Variants in RXRA observed in about 807,000 individuals in gnomAD.
The protein encoded by RXRA is retinoid X receptor alpha.
A neutral mutation model predicts 44.5 loss-of-function variants in RXRA; 5 were observed. The ratio of observed to expected loss-of-function variants is 0.11; its 90% CI spans 0.06 to 0.24. RXRA has a LOEUF of 0.24. Among genes scored for constraint, RXRA ranks in the 10% least tolerant of loss-of-function variants. The pLI, the probability that RXRA is intolerant of heterozygous loss-of-function variation, is 1.00. For missense variants in RXRA, 412 were observed against 646.5 expected (o/e 0.64, Z 3.93); for synonymous variants, 291 against 271.4 (o/e 1.07, Z -0.71).
At chr9:134,380,667 A>G (rs927475884) in intron 1 of RXRA, among the ~76,000 whole-genome samples, 47 of 151,962 alleles carry the variant, frequency 3.1e-4, no homozygotes, top group African/African-American at 9.2e-4. Flanking sequence ...TTGCTGCCCC[A>G]CGACACCTGG....
intron 1 of RXRA, among the ~76,000 whole-genome samples, chr9:134,389,315 A>G (rs571164679): frequency 6.6e-6 from 1 of 152,072 alleles, no homozygotes; most frequent in African/African-American, 2.4e-5. Context: ...TGCTCGTGGG[A>G]TCCAGAGAAG....
rs1325621752 is a variant in RXRA at position 134,407,047 on chromosome 9, T to G, written c.280-1102T>G. On this transcript the variant is annotated intron_variant, in intron 2 of 9. Transcript: ENST00000481739. The surrounding 1 kb of genome is among the most constrained non-coding windows in gnomAD (Gnocchi z 4.8). ...ACCTCCTGGCCTCTCGCAGCCCACC[T>G]GAGTCCTGCAGGGACCAAGCATCCT... Among the ~76,000 whole-genome samples, 1 of 152,182 alleles carries G rather than the reference T, an allele frequency of 6.6e-6. No homozygotes were observed. Among genetic ancestry groups the G allele is most frequent in the East Asian group, 1.9e-4 (1 of 5,184 alleles).
At chr9:134,380,076 C>G in intron 1 of RXRA, 3 of 985,486 alleles carry the variant, frequency 3.0e-6, no homozygotes, top group Non-Finnish European at 3.6e-6. Flanking sequence ...TCCCCTGCAG[C>G]CCCTCTGTTG....
chr9:134,343,058 G>A lies in RXRA; in HGVS notation c.28+16399G>A, dbSNP rs532428104. Among the ~76,000 whole-genome samples, 3 of 152,212 alleles carry A rather than the reference G, an allele frequency of 2.0e-5. No individual in the cohort carries two copies. Among genetic ancestry groups the A allele is most frequent in the African/African-American group, 4.8e-5 (2 of 41,456 alleles). On this transcript the variant is annotated intron_variant, in intron 1 of 9. Transcript: ENST00000481739. This position sits in a 1 kb window ranked among gnomAD's most constrained non-coding sequence, Gnocchi z 4.1. ...GGGATTTTCACCTGCCCAGCCCTGG[G>A]AGGTGTCTTGGACCCAGAGCATTTG...
At chr9:134,421,050 T>G (rs1356024131) in intron 5 of RXRA, among the ~76,000 whole-genome samples, 1 of 152,222 alleles carries the variant, frequency 6.6e-6, no homozygotes, top group Non-Finnish European at 1.5e-5. Flanking sequence ...AGGTGGTTGG[T>G]CCCACCCTGC....
intron 6 of RXRA, 122 bp downstream of exon 6, chr9:134,421,927 C>A (rs4567118): frequency 9.2e-6 from 14 of 1,523,420 alleles, no homozygotes; most frequent in Middle Eastern, 1.7e-4. Context: ...GACACTCCCC[C>A]CTCCCAGGAC....
chr9:134,407,505 C>T lies in RXRA; in HGVS notation c.280-644C>T, dbSNP rs546536758. Among the ~76,000 whole-genome samples the T allele has an allele frequency of 1.3e-3, 202 of 152,328 alleles. 2 individuals carry two copies. Among genetic ancestry groups the T allele is most frequent in the Non-Finnish European group, 2.1e-3 (143 of 68,024 alleles). ...CCAGGGTGACCGGGTGAGTTTCCCA[C>T]GCTTGCCCGGGCGGCAGCGTGCGGG... On this transcript the variant is annotated intron_variant, in intron 2 of 9. Transcript: ENST00000481739. This position sits in a 1 kb window ranked among gnomAD's most constrained non-coding sequence, Gnocchi z 4.8.
chr9:134,391,821 G>C (rs992295441), intron 1 of RXRA, among the ~76,000 whole-genome samples: 1 of 152,356 alleles, frequency 6.6e-6, no homozygotes, highest in East Asian at 1.9e-4. Context: ...GCCTCCAGGC[G>C]TTGACCCGGC....
chr9:134,363,780 C>T lies in RXRA; in HGVS notation c.28+37121C>T, dbSNP rs148682059. On this transcript the variant is annotated intron_variant, in intron 1 of 9. Coordinates refer to ENST00000481739, the MANE Select transcript of RXRA (RefSeq NM_002957.6). ...CAGGCCGCCCTGAGCATGGGGACCC[C>T]AGGGCCGGAGGTGCGACCTGAGCAT... Among the ~76,000 whole-genome samples, 1,370 of 152,284 alleles carry T rather than the reference C, an allele frequency of 9.0e-3. 9 individuals carry two copies. Among genetic ancestry groups the T allele is most frequent in the Non-Finnish European group, 0.015 (1,009 of 68,008 alleles).
In RXRA at chr9:134,410,891, G is replaced by A. The variant is rs35221914; in HGVS notation, c.610+1772G>A. 1.2e-4 allele frequency among the ~76,000 whole-genome samples: 19 copies of A among 152,360 alleles called. No individual in the cohort carries two copies. The East Asian group carries it at 3.7e-3, about 29-fold the overall frequency. ...GCCTGGCCTGGGCCTGCAGCAGTAA[G>A]CTCGCTGTCCTTTGAAAGTGATCAT... On this transcript the variant is annotated intron_variant, in intron 4 of 9. Coordinates refer to ENST00000481739, the MANE Select transcript of RXRA (RefSeq NM_002957.6).
At chr9:134,327,866 C>T (rs982998475) in intron 1 of RXRA, among the ~76,000 whole-genome samples, 8 of 152,106 alleles carry the variant, frequency 5.3e-5, no homozygotes, top group African/African-American at 1.7e-4. Context: ...TTTGTCAGAC[C>T]TAACGCTTAC....
intron 1 of RXRA, among the ~76,000 whole-genome samples, chr9:134,375,134 A>T (rs924752330): frequency 6.6e-6 from 1 of 152,148 alleles, no homozygotes; most frequent in Admixed American, 6.5e-5. Flanking sequence ...TATAAAACGG[A>T]GCCAGGCTGG....
intron 1 of RXRA, among the ~76,000 whole-genome samples, chr9:134,391,116 T>G (rs1244442104): frequency 6.6e-6 from 1 of 152,138 alleles, no homozygotes; most frequent in Non-Finnish European, 1.5e-5. Flanking sequence ...GTGGGAAGAC[T>G]GGGGATGTCC....
At position 134,344,378 on chromosome 9, in the gene RXRA, G is replaced by A. The variant is rs77805637; in HGVS notation, c.28+17719G>A. 4.3e-3 allele frequency among the ~76,000 whole-genome samples: 652 copies of A among 152,310 alleles called. 4 individuals carry two copies. Among genetic ancestry groups the A allele is most frequent in the African/African-American group, 0.015 (606 of 41,550 alleles). On this transcript the variant is annotated intron_variant, in intron 1 of 9. Coordinates refer to ENST00000481739, the MANE Select transcript of RXRA (RefSeq NM_002957.6). ...GGTGCAGCTTCCTGCCCTTGCCGCC[G>A]GAAGGGGCTGAGATTGGGGTCCCGC...
chr9:134,438,983 C>A lies in RXRA; in HGVS notation c.*2369C>A. 6.6e-6 allele frequency: 1 copy of A among 152,450 alleles called. No individual in the cohort carries two copies. The allele number at this position is 152,450 out of a possible 1,614,324, so 9.4% of individuals were successfully genotyped here. On this transcript the variant is annotated 3_prime_UTR_variant, in exon 10 of 10. Coordinates refer to ENST00000481739, the MANE Select transcript of RXRA (RefSeq NM_002957.6). The stretch of plus-strand genomic sequence containing the variant: ...GGGCACTTCCCGCAGCCTTCCCGTC[C>A]CTTTCTCATCGGCCTTGTAGTTGTA...
chr9:134,436,397 G>A, intron 9 of RXRA, 70 bp from the exon 10 acceptor site: 2 of 1,512,124 alleles, frequency 1.3e-6, no homozygotes, highest in Non-Finnish European at 9.1e-7. Flanking sequence ...CATCCCCAGG[G>A]AGGCCTCCAG....
rs544268695 is a variant in RXRA at position 134,409,463 on chromosome 9, C to T, written c.610+344C>T. Among the ~76,000 whole-genome samples, 271 of 152,348 alleles carry T rather than the reference C, an allele frequency of 1.8e-3. 1 individual carries two copies. The highest frequency in any genetic ancestry group is 6.0e-3 in the African/African-American group (250 of 41,578). ...GGGTGGTCCCGGGCCAGCTTCCTCC[C>T]GAGGCCAACTCTGTGGCACCCCGCA... On this transcript the variant is annotated intron_variant, in intron 4 of 9. Transcript: ENST00000481739.
At chr9:134,427,166 AAAAC>A in intron 6 of RXRA, 3 of 983,668 alleles carry the variant, frequency 3.0e-6, no homozygotes, top group Non-Finnish European at 3.6e-6. Context: ...TCATTGGGCA[AAAAC>A]AAAAAAAAAA....
chr9:134,381,622 C>G (rs568119269), intron 1 of RXRA, among the ~76,000 whole-genome samples: 1 of 152,154 alleles, frequency 6.6e-6, no homozygotes, highest in South Asian at 2.1e-4. Context: ...GCCACAAGGC[C>G]CCTCTGGTAC....
Sources: allele counts gnomAD v4.1 joint callset (sites outside exome capture counted in the v4.1 genomes callset), GRCh38; gene constraint gnomAD v4.1.1; non-coding constraint Gnocchi (gnomAD v3.1); transcripts MANE v1.5; gene names NCBI Gene and HGNC (gene_info 2026-07-23, HGNC 2026-07-21).